Variants in DIP2C observed in about 807,000 individuals in gnomAD.
The protein encoded by DIP2C is DIP2 acetate--CoA ligase C (putative).
A neutral mutation model predicts 192.4 loss-of-function variants in DIP2C; 33 were observed. That is an observed-to-expected ratio of 0.17 (90% CI 0.13 to 0.23). DIP2C has a LOEUF of 0.23. Among genes scored for constraint, DIP2C ranks in the 10% least tolerant of loss-of-function variants. The pLI, the probability that DIP2C is intolerant of heterozygous loss-of-function variation, is 1.00. For missense variants in DIP2C, 1,537 were observed against 2,110.1 expected (o/e 0.73, Z 5.32); for synonymous variants, 979 against 864.1 (o/e 1.13, Z -2.33).
intron 4 of DIP2C, among the ~76,000 whole-genome samples, chr10:429,985 A>G (rs1002299727): frequency 1.3e-5 from 2 of 152,164 alleles, no homozygotes; most frequent in East Asian, 1.9e-4. Context: ...AGGCTGTTCT[A>G]TTTTGCTTTA....
At chr10:309,656 T>C (rs1308187049) in intron 32 of DIP2C, among the ~76,000 whole-genome samples, 1 of 151,998 alleles carries the variant, frequency 6.6e-6, no homozygotes, top group African/African-American at 2.4e-5. Context: ...CCTCCCAGTT[T>C]CAAGCAATTC....
At chr10:482,944 C>T in intron 2 of DIP2C, among the ~76,000 whole-genome samples, 1 of 152,198 alleles carries the variant, frequency 6.6e-6, no homozygotes, top group East Asian at 1.9e-4. Context: ...ATCTTCCAGG[C>T]ACCCTCTCTG....
In DIP2C at chr10:555,817, G is replaced by A. The variant is rs1006354902; in HGVS notation, c.86-69287C>T. ...GCAGGATGCCACTCTCAAGCCACAC[G>A]GCGTCCAGTCTCCGTTCCACCCCCA... On this transcript the variant is annotated intron_variant, in intron 1 of 36. Coordinates refer to ENST00000280886, the MANE Select transcript of DIP2C (RefSeq NM_014974.3). 1.6e-4 allele frequency among the ~76,000 whole-genome samples: 25 copies of A among 152,178 alleles called. No individual in the cohort carries two copies. In the South Asian group the frequency reaches 3.1e-3, roughly 19 times the overall value.
chr10:375,842 C>G (rs1961505844), intron 17 of DIP2C, among the ~76,000 whole-genome samples: 2 of 147,280 alleles, frequency 1.4e-5, no homozygotes, highest in African/African-American at 5.1e-5. Flanking sequence ...TTTGCTGAAT[C>G]CCTTAAGCAA....
chr10:601,439 C>T (rs1230317365), intron 1 of DIP2C, among the ~76,000 whole-genome samples: 1 of 152,202 alleles, frequency 6.6e-6, no homozygotes, highest in African/African-American at 2.4e-5. Flanking sequence ...CGCTTTAAAA[C>T]GGCACTAGTT....
rs1963669404 is a variant in DIP2C, at chr10:393,642, C to T, written c.1261-2779G>A. 1.3e-5 allele frequency among the ~76,000 whole-genome samples: 2 copies of T among 151,874 alleles called. 1 individual carries two copies. Among genetic ancestry groups the T allele is most frequent in the South Asian group, 4.2e-4 (2 of 4,810 alleles). ...AAAAATATAAAGATTAGCCAGGTGC[C>T]ATGGTACGCGCCTGTAATCCCAGCT... On this transcript the variant is annotated intron_variant, in intron 10 of 36. Transcript: ENST00000280886.
chr10:463,064 T>C lies in DIP2C; in HGVS notation c.268+9375A>G, dbSNP rs192183827. On this transcript the variant is annotated intron_variant, in intron 3 of 36. Coordinates refer to ENST00000280886, the MANE Select transcript of DIP2C (RefSeq NM_014974.3). ...GACAAACCAACAGCCAATATCATAC[T>C]GAATGGGCAAAAACTGGAAGCATTA... 9.3e-4 allele frequency among the ~76,000 whole-genome samples: 142 copies of C among 152,308 alleles called. 1 individual carries two copies. The highest frequency in any genetic ancestry group is 5.9e-4 in the Admixed American group (9 of 15,296).
chr10:539,347 TATTATTC>T (rs1224570640), intron 1 of DIP2C, among the ~76,000 whole-genome samples: 1 of 152,252 alleles, frequency 6.6e-6, no homozygotes, highest in Non-Finnish European at 1.5e-5. Context: ...ATTCAGACTT[TATTATTC>T]ATTAAACAAT....
chr10:585,387 C>T (rs150797475), intron 1 of DIP2C, among the ~76,000 whole-genome samples: 26 of 152,352 alleles, frequency 1.7e-4, no homozygotes, highest in African/African-American at 5.1e-4. Flanking sequence ...ACACACACAG[C>T]CCTGAGTATT....
intron 4 of DIP2C, among the ~76,000 whole-genome samples, chr10:440,011 C>G (rs1967599713): frequency 6.6e-6 from 1 of 152,128 alleles, no homozygotes; most frequent in African/African-American, 2.4e-5. Flanking sequence ...GAATCAAAAT[C>G]ACAGAAACTA....
chr10:290,798 C>A (rs534763220), intron 32 of DIP2C, among the ~76,000 whole-genome samples: 1 of 152,160 alleles, frequency 6.6e-6, no homozygotes, highest in African/African-American at 2.4e-5. Context: ...CAGCCAAAAC[C>A]GAGGGCTGTT....
At chr10:438,621 G>A (rs1273629187) in intron 4 of DIP2C, among the ~76,000 whole-genome samples, 1 of 151,884 alleles carries the variant, frequency 6.6e-6, no homozygotes, top group Non-Finnish European at 1.5e-5. Context: ...CTCCCGAGCA[G>A]CTGGGACTAT....
At chr10:405,902 G>A (rs1964769697) in intron 9 of DIP2C, among the ~76,000 whole-genome samples, 1 of 152,130 alleles carries the variant, frequency 6.6e-6, no homozygotes, top group Admixed American at 6.5e-5. Context: ...ACCCGCCCAA[G>A]AGCTACCGGC....
chr10:518,898 C>A (rs930146719), intron 1 of DIP2C, among the ~76,000 whole-genome samples: 1 of 152,210 alleles, frequency 6.6e-6, no homozygotes, highest in African/African-American at 2.4e-5. Flanking sequence ...TTTAGACCAG[C>A]CCCTCGACGT....
chr10:573,002 GTAAA>G (rs1849921213), intron 1 of DIP2C, among the ~76,000 whole-genome samples: 1 of 152,064 alleles, frequency 6.6e-6, no homozygotes, highest in Admixed American at 6.5e-5. Context: ...GACTGAGGCA[GTAAA>G]TAAACATGTT....
chr10:650,280 T>C, intron 1 of DIP2C: 1 of 716,894 alleles, frequency 1.4e-6, no homozygotes, highest in Non-Finnish European at 2.6e-6. Context: ...CAGCACTGGA[T>C]GCGATTTCAG....
At chr10:312,123 C>T (rs964804381) in intron 31 of DIP2C, among the ~76,000 whole-genome samples, 20 of 152,300 alleles carry the variant, frequency 1.3e-4, no homozygotes, top group Non-Finnish European at 2.6e-4. Flanking sequence ...GGCTCTCACA[C>T]GGTCTGCTCG....
At chr10:531,565 G>C (rs115864541) in intron 1 of DIP2C, among the ~76,000 whole-genome samples, 1,939 of 152,254 alleles carry the variant, frequency 0.013, 45 homozygotes, top group African/African-American at 0.044. Flanking sequence ...CCAGTCTGAC[G>C]GAAGCGTCTA....
chr10:404,483 C>A (rs1964666633), intron 9 of DIP2C, among the ~76,000 whole-genome samples: 1 of 152,094 alleles, frequency 6.6e-6, no homozygotes. Flanking sequence ...TGCTGGGATT[C>A]CAGGCATGAG....
Sources: gnomAD v4.1 joint callset for allele counts (sites outside exome capture counted in the v4.1 genomes callset) on GRCh38, gnomAD v4.1.1 for gene constraint, MANE v1.5 for transcripts, NCBI Gene and HGNC (gene_info 2026-07-23, HGNC 2026-07-21) for gene names.